The following CEP112 variants were observed in gnomAD, a reference collection of about 807,000 sequenced individuals.
The protein encoded by CEP112 is centrosomal protein of 112 kDa.
In CEP112, 127 loss-of-function variants were observed where a neutral mutation model predicts 153.0. The ratio of observed to expected loss-of-function variants is 0.83; its 90% CI spans 0.72 to 0.96. The LOEUF (loss-of-function observed/expected upper bound fraction) is 0.96, where lower values mean the gene tolerates loss of function less well. CEP112 is among the 40% of genes least tolerant of loss of function. The pLI is 0.00. For synonymous variants in CEP112, 358 were observed against 374.4 expected (o/e 0.96, Z 0.51); for missense variants, 1,089 against 1,101.2 (o/e 0.99, Z 0.16).
intron 19 of CEP112, 40 bp from the exon 20 acceptor site, chr17:65,902,374 T>C (rs777571631): frequency 6.4e-7 from 1 of 1,551,204 alleles, no homozygotes; most frequent in African/African-American, 1.4e-5. Context: ...CAACAGAACA[T>C]CCTTGTCGTC....
At chr17:66,052,020 CACAAAG>C (rs542833495) in intron 12 of CEP112, among the ~76,000 whole-genome samples, 48 of 152,310 alleles carry the variant, frequency 3.2e-4, no homozygotes, top group African/African-American at 1.2e-3. Context: ...AATCATCTAA[CACAAAG>C]CCTATTTTAT....
At chr17:65,767,428 C>A (rs1400522594) in intron 21 of CEP112, among the ~76,000 whole-genome samples, 1 of 151,850 alleles carries the variant, frequency 6.6e-6, no homozygotes, top group African/African-American at 2.4e-5. Flanking sequence ...CAAATGTCTA[C>A]ATTTAAAAAG....
At position 66,027,524 on chromosome 17, in the gene CEP112, A is replaced by G. The variant is rs11079628; in HGVS notation, c.1633T>C (p.Leu545=). The change falls in exon 16 of 27, where the codon TTA becomes CTA. Residue 545 remains leucine, a synonymous_variant. Transcript: ENST00000535342. ...ENKFQMEKSH[L]KHIYEKKAHD... is the part of the protein sequence containing the mutation. ...ACCTTTTTTTCATAGATGTGTTTTAAATGACTTTTCTCCATCTGAAACTTA... is the reference window on the plus strand; with the variant it reads ...ACCTTTTTTTCATAGATGTGTTTTAGATGACTTTTCTCCATCTGAAACTTA... 565,282 of 1,320,600 alleles carry G rather than the reference A, an allele frequency of 0.43. 129,203 individuals are homozygous for G. Among genetic ancestry groups the G allele is most frequent in the East Asian group, 0.87 (28,956 of 33,322 alleles). 81.8% of individuals were successfully genotyped at this position (1,320,600 alleles called of 1,614,324 possible). A position where few individuals can be genotyped will look rare whatever the true frequency, so the allele number is the denominator to read the frequency against.
intron 24 of CEP112, among the ~76,000 whole-genome samples, chr17:65,672,422 T>C (rs1233147450): frequency 6.6e-6 from 1 of 152,188 alleles, no homozygotes; most frequent in Non-Finnish European, 1.5e-5. Context: ...AAGATTCATG[T>C]GAAGGAGAAA....
At chr17:65,708,719 G>A (rs539634749) in intron 23 of CEP112, among the ~76,000 whole-genome samples, 82 of 152,228 alleles carry the variant, frequency 5.4e-4, no homozygotes, top group South Asian at 1.7e-3. Flanking sequence ...CATTTAGATC[G>A]TTCTCAACCG....
At position 65,750,645 on chromosome 17, in the gene CEP112, C is replaced by G. The variant is rs2051772643; in HGVS notation, c.2457+17G>C. On this transcript the variant is annotated intron_variant, in intron 22 of 26. Transcript: ENST00000535342. ...GTTTTGGTTTTACCCTGTTTTGTGT[C>G]TTTTAATGTTGCTTACCTGTGAAGA... 1 of 1,611,436 alleles carries G rather than the reference C, an allele frequency of 6.2e-7. No homozygotes were observed. Among genetic ancestry groups the G allele is most frequent in the Admixed American group, 1.7e-5 (1 of 59,982 alleles).
chr17:65,707,272 TAA>T (rs1248453794), intron 23 of CEP112, among the ~76,000 whole-genome samples: 3 of 152,134 alleles, frequency 2.0e-5, no homozygotes, highest in African/African-American at 4.8e-5. Context: ...TAGAAAATTA[TAA>T]GTCTTTGACA....
chr17:66,062,228 T>G (rs1010006746), intron 11 of CEP112, among the ~76,000 whole-genome samples: 1 of 151,998 alleles, frequency 6.6e-6, no homozygotes, highest in Admixed American at 6.6e-5. Context: ...TAGTGGACAA[T>G]GGACACTAAT....
chr17:65,740,186 GT>G (rs1476078950), intron 23 of CEP112, among the ~76,000 whole-genome samples: 5 of 152,020 alleles, frequency 3.3e-5, no homozygotes, highest in African/African-American at 1.2e-4. Flanking sequence ...GCTCTCCAAC[GT>G]CATTTCCTAT....
chr17:65,949,784 C>T (rs546378549), intron 18 of CEP112, among the ~76,000 whole-genome samples: 9 of 152,206 alleles, frequency 5.9e-5, no homozygotes, highest in African/African-American at 2.2e-4. Context: ...ATCTTTCATT[C>T]CTGGCTATCC....
chr17:66,188,241 A>G (rs1005342295), intron 1 of CEP112, among the ~76,000 whole-genome samples: 2 of 151,870 alleles, frequency 1.3e-5, no homozygotes, highest in Admixed American at 6.6e-5. Flanking sequence ...AGTTAGGCAT[A>G]CAAGTACCTT....
At position 65,845,050 on chromosome 17, in the gene CEP112, T is replaced by C. The variant is rs566913775; in HGVS notation, c.2394+6754A>G. Among the ~76,000 whole-genome samples, 177 of 151,810 alleles carry C rather than the reference T, an allele frequency of 1.2e-3. 6 individuals carry two copies. The South Asian group carries it at 0.035, about 30-fold the overall frequency. ...ATGTTATATCAAAGGCCGGATGAGG[T>C]GGCTCACGCCTGTCCTCCCAGCACT... On this transcript the variant is annotated intron_variant, in intron 21 of 26. Coordinates refer to ENST00000535342, the MANE Select transcript of CEP112 (RefSeq NM_001199165.4).
intron 12 of CEP112, 97 bp downstream of exon 12, chr17:66,053,639 C>T: frequency 8.1e-7 from 1 of 1,228,422 alleles, no homozygotes; most frequent in Non-Finnish European, 1.1e-6. Context: ...GATTCTGTAA[C>T]ACACTTCTTT....
At chr17:65,928,791 G>A (rs554818612) in intron 18 of CEP112, among the ~76,000 whole-genome samples, 17 of 152,294 alleles carry the variant, frequency 1.1e-4, no homozygotes, top group Non-Finnish European at 2.2e-4. Context: ...TTAAGCCCCA[G>A]AGGTTGTAGC....
Position 65,851,733 on chromosome 17 carries a change from A to G in CEP112, c.2394+71T>C, listed in dbSNP as rs2057938405. 2.8e-6 allele frequency: 3 copies of G among 1,069,142 alleles called. No homozygotes were observed. In the South Asian group the frequency reaches 4.4e-5, roughly 16 times the overall value. 66.2% of individuals were successfully genotyped at this position (1,069,142 alleles called of 1,614,324 possible). ...GTCTACTACCTTTTGGAGATTAAAT[A>G]TAAGGGTGGTGGCAATGGATTTTAA... On this transcript the variant is annotated intron_variant, in intron 21 of 26. Transcript: ENST00000535342.
At chr17:65,896,344 T>C (rs2059658427) in intron 20 of CEP112, among the ~76,000 whole-genome samples, 1 of 152,068 alleles carries the variant, frequency 6.6e-6, no homozygotes, top group African/African-American at 2.4e-5. Context: ...TTTATAATAG[T>C]TTAATCACAG....
chr17:65,850,381 C>T (rs2057886374), intron 21 of CEP112, among the ~76,000 whole-genome samples: 2 of 151,954 alleles, frequency 1.3e-5, no homozygotes, highest in Non-Finnish European at 2.9e-5. Context: ...TGGTGCTGCC[C>T]GTGACTGTTC....
At chr17:65,680,207 T>C (rs953530201) in intron 24 of CEP112, among the ~76,000 whole-genome samples, 3 of 152,160 alleles carry the variant, frequency 2.0e-5, no homozygotes, top group African/African-American at 7.2e-5. Context: ...GTCTGAGGAA[T>C]AGCTGAGGGC....
intron 19 of CEP112, among the ~76,000 whole-genome samples, chr17:65,914,609 C>G (rs1420800022): frequency 6.6e-6 from 1 of 152,082 alleles, no homozygotes; most frequent in Non-Finnish European, 1.5e-5. Context: ...CTACCTAAGG[C>G]GAGTCCCTTC....
Sources: gnomAD v4.1 joint callset for allele counts (sites outside exome capture counted in the v4.1 genomes callset) on GRCh38, gnomAD v4.1.1 for gene constraint, MANE v1.5 for transcripts, NCBI Gene and HGNC (gene_info 2026-07-23, HGNC 2026-07-21) for gene names.